NPHP1: variants seen among roughly 807,000 people sequenced by gnomAD.
NPHP1 encodes nephrocystin-1.
NPHP1 carries 70 observed loss-of-function variants against 90.4 expected under a neutral mutation model. The observed-to-expected ratio is 0.77, with a 90% CI of 0.64 to 0.95. The LOEUF is 0.95. Among genes scored for constraint, NPHP1 ranks in the 40% least tolerant of loss-of-function variants. The probability of loss-of-function intolerance (pLI) is 0.00; values close to 1 mark genes in which losing one functional copy is unlikely to be tolerated. For missense variants in NPHP1, 764 were observed against 795.9 expected (o/e 0.96, Z 0.48); for synonymous variants, 256 against 271.7 (o/e 0.94, Z 0.57).
At chr2:110,136,450 A>C (rs1184985024) in intron 16 of NPHP1, among the ~76,000 whole-genome samples, 1 of 152,194 alleles carries the variant, frequency 6.6e-6, no homozygotes, top group Non-Finnish European at 1.5e-5. Flanking sequence ...AAATCTCCTT[A>C]AGCTGATAGG....
intron 19 of NPHP1, 54 bp from the exon 20 acceptor site, chr2:110,124,117 C>A (rs1679185375): frequency 1.2e-6 from 2 of 1,602,828 alleles, no homozygotes; most frequent in East Asian, 2.2e-5. Context: ...GTGTTAAATT[C>A]TGTGAACTCT....
chr2:110,136,207 G>A (rs1363998651), intron 16 of NPHP1, among the ~76,000 whole-genome samples: 1 of 152,086 alleles, frequency 6.6e-6, no homozygotes, highest in Admixed American at 6.5e-5. Context: ...CAAACGCACA[G>A]CCAATATCAT....
At position 110,175,009 on chromosome 2, in the gene NPHP1, A is replaced by G. The variant is rs138573844; in HGVS notation, c.329+3414T>C. Among the ~76,000 whole-genome samples the G allele has an allele frequency of 2.3e-4, 35 of 152,206 alleles. No homozygotes were observed. In the East Asian group the frequency reaches 6.2e-3, roughly 27 times the overall value. ...TTCAATGTTAATGAATCAATAAAAT[A>G]TATGAAATAAAGTGTCTTTAAACAG... is the stretch of plus-strand genomic sequence containing the variant. On this transcript the variant is annotated intron_variant, in intron 4 of 19. Transcript: ENST00000445609.
intron 17 of NPHP1, among the ~76,000 whole-genome samples, chr2:110,131,414 A>C (rs1019634914): frequency 6.6e-6 from 1 of 152,204 alleles, no homozygotes; most frequent in East Asian, 1.9e-4. Context: ...AAATATGACT[A>C]TATCTGACTC....
intron 4 of NPHP1, among the ~76,000 whole-genome samples, chr2:110,177,325 A>G (rs535767229): frequency 6.0e-4 from 91 of 152,220 alleles, no homozygotes; most frequent in African/African-American, 2.2e-3. Context: ...CACCTTCAGC[A>G]TTTTTTCCCA....
chr2:110,196,229 G>A (rs1264267074), intron 2 of NPHP1, among the ~76,000 whole-genome samples: 27 of 152,036 alleles, frequency 1.8e-4, no homozygotes, highest in Admixed American at 1.8e-3. Flanking sequence ...CCTACAGAAT[G>A]GGAGAAAATT....
At chr2:110,133,116 C>G (rs1679908828) in intron 16 of NPHP1, among the ~76,000 whole-genome samples, 1 of 151,886 alleles carries the variant, frequency 6.6e-6, no homozygotes, top group Non-Finnish European at 1.5e-5. Context: ...TACAGATTGG[C>G]AGGATGCACT....
At chr2:110,173,714 T>A (rs1683322910) in intron 4 of NPHP1, among the ~76,000 whole-genome samples, 1 of 152,166 alleles carries the variant, frequency 6.6e-6, no homozygotes, top group Non-Finnish European at 1.5e-5. Context: ...TCTAGGTTTG[T>A]GCAAGTACAT....
At chr2:110,137,889 G>A (rs1482309557) in intron 16 of NPHP1, among the ~76,000 whole-genome samples, 5 of 149,730 alleles carry the variant, frequency 3.3e-5, no homozygotes, top group East Asian at 3.9e-4. Context: ...TGTTTATTGC[G>A]GCACTATTCA....
chr2:110,167,850 TAGA>T (rs1682825834), intron 6 of NPHP1, among the ~76,000 whole-genome samples: 1 of 152,126 alleles, frequency 6.6e-6, no homozygotes, highest in Admixed American at 6.6e-5. Context: ...CCGGTTGGTG[TAGA>T]AGAACTGATG....
At chr2:110,168,605 T>C in intron 5 of NPHP1, 52 bp from the exon 6 acceptor site, 2 of 1,128,996 alleles carry the variant, frequency 1.8e-6, no homozygotes, top group Non-Finnish European at 2.7e-6. Context: ...TAATCATGAG[T>C]ATATGTCAAT....
intron 11 of NPHP1, among the ~76,000 whole-genome samples, chr2:110,158,322 A>T (rs1427071261): frequency 6.6e-6 from 1 of 152,044 alleles, no homozygotes; most frequent in Admixed American, 6.5e-5. Flanking sequence ...CAGTTTGTTG[A>T]TATGTTATAC....
intron 12 of NPHP1, among the ~76,000 whole-genome samples, chr2:110,149,903 A>G (rs1681338025): frequency 6.6e-6 from 1 of 152,144 alleles, no homozygotes; most frequent in Non-Finnish European, 1.5e-5. Context: ...TTCATCTTTG[A>G]AAAACACCCC....
chr2:110,184,912 G>A (rs2104640025), intron 2 of NPHP1: 3 of 690,484 alleles, frequency 4.3e-6, no homozygotes, highest in East Asian at 6.6e-5. Flanking sequence ...ACAAGGTCCT[G>A]GTGTTCGCCA....
At chr2:110,144,465 A>C (rs1574085840) in intron 15 of NPHP1, 28 bp downstream of exon 15, 1 of 1,453,930 alleles carries the variant, frequency 6.9e-7, no homozygotes. Flanking sequence ...ATCTTTAAGG[A>C]AAGGAAGACA....
intron 2 of NPHP1, among the ~76,000 whole-genome samples, chr2:110,196,880 C>G (rs192175540): frequency 6.6e-6 from 1 of 152,238 alleles, no homozygotes; most frequent in African/African-American, 2.4e-5. Flanking sequence ...TGGAAACCAT[C>G]ATACTGAGCA....
intron 11 of NPHP1, among the ~76,000 whole-genome samples, chr2:110,157,349 A>T (rs73954626): frequency 0.011 from 1,720 of 152,238 alleles, 27 homozygotes; most frequent in African/African-American, 0.04. Context: ...GCTCTTGGTC[A>T]CTGAGGACAC....
chr2:110,185,101 G>T lies in NPHP1; in HGVS notation c.144-5417C>A, dbSNP rs79005630. 3,028 of 588,242 alleles carry T rather than the reference G, an allele frequency of 5.1e-3. 79 individuals are homozygous for T. Among genetic ancestry groups the T allele is most frequent in the African/African-American group, 0.047 (2,532 of 54,036 alleles). The allele number at this position is 588,242 out of a possible 1,614,324, so 36.4% of individuals were successfully genotyped here. ...TTGAGGGCTCTATCCTTGCCTCCAT[G>T]ACACCTTTAAGAAGATGTGGGTCTC... is the stretch of plus-strand genomic sequence containing the variant. On this transcript the variant is annotated intron_variant, in intron 2 of 19. Transcript: ENST00000445609.
chr2:110,173,127 T>C (rs1404392532), intron 4 of NPHP1, among the ~76,000 whole-genome samples: 1 of 151,758 alleles, frequency 6.6e-6, no homozygotes, highest in African/African-American at 2.4e-5. Flanking sequence ...CCCAGCTCAT[T>C]TTTGTATTTT....
Sources: gnomAD v4.1 joint callset for allele counts (sites outside exome capture counted in the v4.1 genomes callset) on GRCh38, gnomAD v4.1.1 for gene constraint, MANE v1.5 for transcripts, NCBI Gene and HGNC (gene_info 2026-07-23, HGNC 2026-07-21) for gene names.